Variants in LDB2 observed in about 807,000 individuals in gnomAD.
The protein encoded by LDB2 is LIM domain binding 2, also known as LIM domain-binding protein 2.
In LDB2, 12 loss-of-function variants were observed where a neutral mutation model predicts 44.3. The ratio of observed to expected loss-of-function variants is 0.27; its 90% CI spans 0.17 to 0.44. LDB2 has a LOEUF of 0.44. Among genes scored for constraint, LDB2 ranks in the 20% least tolerant of loss-of-function variants. LDB2 has a pLI of 1.00. For synonymous variants in LDB2, 164 were observed against 174.8 expected (o/e 0.94, Z 0.49); for missense variants, 344 against 473.5 (o/e 0.73, Z 2.54).
At chr4:16,574,844 GAA>G (rs1171230845) in intron 5 of LDB2, among the ~76,000 whole-genome samples, 2 of 152,110 alleles carry the variant, frequency 1.3e-5, no homozygotes, top group African/African-American at 4.8e-5. Flanking sequence ...AGTTTCAGAT[GAA>G]AAAAATTGGA....
intron 1 of LDB2, among the ~76,000 whole-genome samples, chr4:16,841,597 G>A (rs767633227): frequency 4.6e-5 from 7 of 152,142 alleles, no homozygotes; most frequent in Non-Finnish European, 7.4e-5. Flanking sequence ...TAGCAGACAC[G>A]TTGTGCATTT....
At position 16,602,161 on chromosome 4, in the gene LDB2, T is replaced by A. The variant is rs1722745153; in HGVS notation, c.236-6286A>T. ...ATTTCATATATACTTATTAGGTAAC[T>A]ACTACAGGCCAGATATTGTTCTAGG... is the stretch of plus-strand genomic sequence containing the variant. On this transcript the variant is annotated intron_variant, in intron 2 of 7. Coordinates refer to ENST00000304523, the MANE Select transcript of LDB2 (RefSeq NM_001290.5). Among the ~76,000 whole-genome samples, 3 of 152,194 alleles carry A rather than the reference T, an allele frequency of 2.0e-5. No homozygotes were observed. The South Asian group carries it at 6.2e-4, about 32-fold the overall frequency.
At chr4:16,571,387 C>A (rs1438036904) in intron 5 of LDB2, among the ~76,000 whole-genome samples, 2 of 151,948 alleles carry the variant, frequency 1.3e-5, no homozygotes, top group Non-Finnish European at 2.9e-5. Flanking sequence ...GGTTTTTGAT[C>A]CCATTATGCT....
intron 2 of LDB2, among the ~76,000 whole-genome samples, chr4:16,714,186 T>A (rs529825069): frequency 5.9e-5 from 9 of 152,316 alleles, no homozygotes; most frequent in South Asian, 4.2e-4. Context: ...AGGGGTTTTT[T>A]AAATCTTCAT....
chr4:16,558,310 G>A (rs1740581403), intron 5 of LDB2, among the ~76,000 whole-genome samples: 1 of 151,976 alleles, frequency 6.6e-6, no homozygotes, highest in Non-Finnish European at 1.5e-5. Context: ...TAAAAACTTT[G>A]AAAAAAATTT....
chr4:16,873,237 A>T (rs1234946143), intron 1 of LDB2, among the ~76,000 whole-genome samples: 1 of 152,194 alleles, frequency 6.6e-6, no homozygotes, highest in Non-Finnish European at 1.5e-5. Context: ...AGAGAGAATG[A>T]ACTTATTTTG....
At chr4:16,574,968 A>C (rs185013401) in intron 5 of LDB2, among the ~76,000 whole-genome samples, 98 of 152,286 alleles carry the variant, frequency 6.4e-4, no homozygotes, top group Middle Eastern at 3.4e-3. Flanking sequence ...TCTTCTTCTT[A>C]TTATTATTCC....
chr4:16,737,719 A>G (rs902725716), intron 2 of LDB2, among the ~76,000 whole-genome samples: 1 of 152,212 alleles, frequency 6.6e-6, no homozygotes, highest in Admixed American at 6.5e-5. Flanking sequence ...TGATTCTGTA[A>G]AGAAAACATA....
intron 2 of LDB2, among the ~76,000 whole-genome samples, chr4:16,619,726 G>C (rs1728330438): frequency 6.6e-6 from 1 of 151,454 alleles, no homozygotes; most frequent in African/African-American, 2.4e-5. Context: ...GATAATATCG[G>C]TTGTCAAGTG....
intron 1 of LDB2, among the ~76,000 whole-genome samples, chr4:16,806,472 T>C (rs564877303): frequency 3.9e-5 from 6 of 152,280 alleles, no homozygotes; most frequent in Non-Finnish European, 5.9e-5. Context: ...CTGAATCCAG[T>C]GCACTGAAAG....
At chr4:16,531,863 C>T (rs1730254514) in intron 5 of LDB2, among the ~76,000 whole-genome samples, 1 of 152,134 alleles carries the variant, frequency 6.6e-6, no homozygotes, top group Non-Finnish European at 1.5e-5. Flanking sequence ...TTTTTCCAGA[C>T]ATTGTGTAAG....
At chr4:16,616,999 C>T (rs1372458604) in intron 2 of LDB2, among the ~76,000 whole-genome samples, 2 of 152,124 alleles carry the variant, frequency 1.3e-5, no homozygotes, top group African/African-American at 2.4e-5. Flanking sequence ...TCTTTCCCTC[C>T]TCCCCTTTCC....
intron 2 of LDB2, among the ~76,000 whole-genome samples, chr4:16,661,083 A>G (rs1449559736): frequency 6.6e-6 from 1 of 151,932 alleles, no homozygotes; most frequent in Admixed American, 6.6e-5. Context: ...AATACCACAG[A>G]AATAATTACT....
At chr4:16,530,498 C>T (rs537188237) in intron 5 of LDB2, among the ~76,000 whole-genome samples, 1 of 152,222 alleles carries the variant, frequency 6.6e-6, no homozygotes, top group African/African-American at 2.4e-5. Context: ...CAAGGGCACA[C>T]TGAAAGCAAA....
chr4:16,659,653 ATGAG>A (rs1740918265), intron 2 of LDB2, among the ~76,000 whole-genome samples: 1 of 29,340 alleles, frequency 3.4e-5, no homozygotes, highest in Non-Finnish European at 9.9e-5. Context: ...ACACACACAT[ATGAG>A]TATATCTATG....
At chr4:16,831,498 C>A (rs544364517) in intron 1 of LDB2, among the ~76,000 whole-genome samples, 1 of 152,164 alleles carries the variant, frequency 6.6e-6, no homozygotes, top group East Asian at 1.9e-4. Context: ...GTTGTTGCAA[C>A]CATCCTGGGA....
chr4:16,862,801 C>T lies in LDB2; in HGVS notation c.132+35553G>A, dbSNP rs535878796. On this transcript the variant is annotated intron_variant, in intron 1 of 7. Transcript: ENST00000304523. ...TATAAGGAAATTGGAATTATTAAAC[C>T]AAACGATAAGAGAGATGGGAAGAAA... 2.0e-5 allele frequency among the ~76,000 whole-genome samples: 3 copies of T among 152,188 alleles called. No homozygotes were observed. The East Asian group carries it at 5.8e-4, about 29-fold the overall frequency.
At chr4:16,520,189 A>T (rs1725480187) in intron 5 of LDB2, among the ~76,000 whole-genome samples, 1 of 152,086 alleles carries the variant, frequency 6.6e-6, no homozygotes, top group South Asian at 2.1e-4. Context: ...TACCAGAAAG[A>T]CATCAGATGA....
At chr4:16,734,939 C>T (rs1365279186) in intron 2 of LDB2, among the ~76,000 whole-genome samples, 1 of 152,034 alleles carries the variant, frequency 6.6e-6, no homozygotes, top group Non-Finnish European at 1.5e-5. Context: ...GAACTCCTGA[C>T]CTCAGGTGAT....
Sources: gnomAD v4.1 joint callset for allele counts (sites outside exome capture counted in the v4.1 genomes callset) on GRCh38, gnomAD v4.1.1 for gene constraint, MANE v1.5 for transcripts, NCBI Gene and HGNC (gene_info 2026-07-23, HGNC 2026-07-21) for gene names.